Variants in GPR158 observed in about 807,000 individuals in gnomAD.
GPR158 encodes the protein metabotropic glycine receptor.
A neutral mutation model predicts 78.2 loss-of-function variants in GPR158; 30 were observed. The ratio of observed to expected loss-of-function variants is 0.38; its 90% CI spans 0.29 to 0.52. The LOEUF (loss-of-function observed/expected upper bound fraction) is 0.52. Ranked by LOEUF, GPR158 falls within the 20% of genes least tolerant of loss-of-function variation. The pLI, the probability that GPR158 is intolerant of heterozygous loss-of-function variation, is 0.83. For synonymous variants in GPR158, 581 were observed against 591.1 expected (o/e 0.98, Z 0.25); for missense variants, 1,463 against 1,523.5 (o/e 0.96, Z 0.66).
chr10:25,597,854 A>C lies in GPR158; in HGVS notation c.2228A>C (p.Lys743Thr). 6.5e-7 allele frequency: 1 copy of C among 1,549,546 alleles called. No homozygotes were observed. Among genetic ancestry groups the C allele is most frequent in the South Asian group, 1.2e-5 (1 of 80,332 alleles). Reference protein sequence around the residue: ...MITNNPHLQKKRCSKKGLGRS... With the variant: ...MITNNPHLQKTRCSKKGLGRS... ...ACAAACAACCCCCACCTCCAGAAAA[A>C]GCGGTGCTCGAAGAAGGGCCTAGGT... Residue 743 changes from lysine (K) to threonine (T), a missense_variant, in exon 11 of 11, where the codon AAG becomes ACG. Transcript: ENST00000376351.
chr10:25,552,165 G>A (rs1285784519), intron 6 of GPR158, among the ~76,000 whole-genome samples: 1 of 152,140 alleles, frequency 6.6e-6, no homozygotes, highest in Non-Finnish European at 1.5e-5. Context: ...GGTTTCAGGA[G>A]ATCCTATTTA....
At chr10:25,324,831 C>CTTTTTTTTTTTTTT (rs34746907) in intron 2 of GPR158, among the ~76,000 whole-genome samples, 8 of 125,376 alleles carry the variant, frequency 6.4e-5, no homozygotes, top group African/African-American at 9.3e-5. Context: ...TTTTTTCTTT[C>CTTTTTTTTTTTTTT]TTTTTTTTTT....
chr10:25,453,686 G>A (rs1034998928), intron 4 of GPR158, among the ~76,000 whole-genome samples: 14 of 152,118 alleles, frequency 9.2e-5, no homozygotes, highest in African/African-American at 2.9e-4. Flanking sequence ...TGAAGAGACT[G>A]TTCATTTTCT....
In GPR158 at chr10:25,206,180, G is replaced by C. The variant is rs112527986; in HGVS notation, c.903-14872G>C. ...TTTTGTATTTTTTTAGTAGAAACGG[G>C]GTTTCACCGTGTTAGCCAGGATGGT... On this transcript the variant is annotated intron_variant, in intron 1 of 10. Transcript: ENST00000376351. Among the ~76,000 whole-genome samples, 816 of 151,982 alleles carry C rather than the reference G, an allele frequency of 5.4e-3. 10 individuals carry two copies. The highest frequency in any genetic ancestry group is 0.019 in the African/African-American group (791 of 41,450).
At chr10:25,507,815 A>C (rs1044431085) in intron 5 of GPR158, among the ~76,000 whole-genome samples, 2 of 152,234 alleles carry the variant, frequency 1.3e-5, no homozygotes, top group African/African-American at 4.8e-5. Flanking sequence ...AAAGATTTAT[A>C]CTTCCGGAAA....
At chr10:25,405,824 GA>G (rs1403800866) in intron 3 of GPR158, among the ~76,000 whole-genome samples, 1 of 152,010 alleles carries the variant, frequency 6.6e-6, no homozygotes, top group African/African-American at 2.4e-5. Context: ...CTACTTCTAG[GA>G]AGTAAATTGT....
chr10:25,233,220 T>A (rs1325230806), intron 2 of GPR158, among the ~76,000 whole-genome samples: 1 of 152,234 alleles, frequency 6.6e-6, no homozygotes, highest in African/African-American at 2.4e-5. Flanking sequence ...TTATAGCTCT[T>A]CAGGAAAGAG....
chr10:25,211,687 A>G (rs966223967), intron 1 of GPR158, among the ~76,000 whole-genome samples: 4 of 143,674 alleles, frequency 2.8e-5, no homozygotes, highest in African/African-American at 1.1e-4. Flanking sequence ...AAGCCTTCTG[A>G]TACCCTGTCA....
At chr10:25,366,156 T>G (rs1233660398) in intron 2 of GPR158, among the ~76,000 whole-genome samples, 1 of 151,422 alleles carries the variant, frequency 6.6e-6, no homozygotes, top group African/African-American at 2.4e-5. Context: ...TTTGTTTTTG[T>G]TTTTTTGGTA....
intron 2 of GPR158, among the ~76,000 whole-genome samples, chr10:25,359,105 T>G (rs1250476221): frequency 6.6e-6 from 1 of 152,018 alleles, no homozygotes; most frequent in East Asian, 1.9e-4. Context: ...TCTCTGCAAT[T>G]TTGTCATTTT....
At chr10:25,293,054 A>G (rs1854462609) in intron 2 of GPR158, among the ~76,000 whole-genome samples, 1 of 152,202 alleles carries the variant, frequency 6.6e-6, no homozygotes, top group Non-Finnish European at 1.5e-5. Context: ...TGCTGTTAGT[A>G]GAAAATTGTC....
intron 2 of GPR158, among the ~76,000 whole-genome samples, chr10:25,227,689 CAG>C (rs1853392942): frequency 6.6e-6 from 1 of 152,050 alleles, no homozygotes; most frequent in Non-Finnish European, 1.5e-5. Flanking sequence ...GTGAATAAGA[CAG>C]AGGAAATTTA....
At chr10:25,536,994 G>A (rs1283497843) in intron 5 of GPR158, among the ~76,000 whole-genome samples, 2 of 152,234 alleles carry the variant, frequency 1.3e-5, no homozygotes, top group Non-Finnish European at 2.9e-5. Context: ...TTATGGCAGA[G>A]TCCTAAGTGG....
At chr10:25,266,555 GTGTAATTTCTAT>G (rs1854047142) in intron 2 of GPR158, among the ~76,000 whole-genome samples, 1 of 152,124 alleles carries the variant, frequency 6.6e-6, no homozygotes, top group Non-Finnish European at 1.5e-5. Flanking sequence ...CATGAATAGA[GTGTAATTTCTAT>G]TGTCTTTTTT....
chr10:25,491,963 G>A (rs532752984), intron 5 of GPR158, among the ~76,000 whole-genome samples: 4 of 152,224 alleles, frequency 2.6e-5, no homozygotes, highest in African/African-American at 9.6e-5. Context: ...AATACCTGAG[G>A]CTGGGTAATT....
chr10:25,282,305 T>C (rs138683285), intron 2 of GPR158, among the ~76,000 whole-genome samples: 95 of 152,332 alleles, frequency 6.2e-4, no homozygotes, highest in African/African-American at 2.3e-3. Context: ...TATGTGTTAA[T>C]AGTTTGTTTC....
chr10:25,368,515 C>T (rs879770750), intron 2 of GPR158, among the ~76,000 whole-genome samples: 1 of 151,738 alleles, frequency 6.6e-6, no homozygotes, highest in Non-Finnish European at 1.5e-5. Context: ...TGCAGAAATG[C>T]AAATCAAAAC....
At chr10:25,381,291 T>A (rs1773312631) in intron 2 of GPR158, among the ~76,000 whole-genome samples, 1 of 152,022 alleles carries the variant, frequency 6.6e-6, no homozygotes, top group South Asian at 2.1e-4. Flanking sequence ...ATCAGATCAA[T>A]GGAGCAAGGG....
chr10:25,316,261 G>A (rs1349993220), intron 2 of GPR158, among the ~76,000 whole-genome samples: 2 of 152,248 alleles, frequency 1.3e-5, no homozygotes, highest in South Asian at 2.1e-4. Context: ...CTCCCTATAT[G>A]TAGATTAAAG....
Sources: gnomAD v4.1 joint callset for allele counts (sites outside exome capture counted in the v4.1 genomes callset) on GRCh38, gnomAD v4.1.1 for gene constraint, MANE v1.5 for transcripts, NCBI Gene and HGNC (gene_info 2026-07-23, HGNC 2026-07-21) for gene names.